The following PITPNB variants were observed in gnomAD, a reference collection of about 807,000 sequenced individuals.
PITPNB encodes phosphatidylinositol transfer protein beta isoform.
A neutral mutation model predicts 45.9 loss-of-function variants in PITPNB; 16 were observed. The ratio of observed to expected loss-of-function variants is 0.35; its 90% CI spans 0.24 to 0.53. The LOEUF (loss-of-function observed/expected upper bound fraction) is 0.53, where lower values mean the gene tolerates loss of function less well. Among genes scored for constraint, PITPNB ranks in the 20% least tolerant of loss-of-function variants. The pLI is 0.93. For synonymous variants in PITPNB, 112 were observed against 108.9 expected (o/e 1.03, Z -0.18); for missense variants, 188 against 330.5 (o/e 0.57, Z 3.34).
Position 27,914,306 on chromosome 22 carries a change from G to C in PITPNB, c.51+11C>G. The C allele has an allele frequency of 6.3e-7, 1 of 1,580,444 alleles. No homozygotes were observed. The highest frequency in any genetic ancestry group is 8.7e-7 in the Non-Finnish European group (1 of 1,150,236). ...TACCAATAAAATGATGCAGAAGCAA[G>C]AAAAACTCACCTCCTGAACAGAACA... On this transcript the variant is annotated intron_variant, in intron 2 of 11. Transcript: ENST00000335272.
At chr22:27,861,083 C>G (rs1266316065) in intron 8 of PITPNB, among the ~76,000 whole-genome samples, 2 of 148,864 alleles carry the variant, frequency 1.3e-5, no homozygotes, top group Non-Finnish European at 3.0e-5. Flanking sequence ...GTAATCCCAG[C>G]ACTTTGGGAG....
chr22:27,912,441 C>A (rs1242414006), intron 2 of PITPNB, among the ~76,000 whole-genome samples: 1 of 152,066 alleles, frequency 6.6e-6, no homozygotes, highest in Admixed American at 6.6e-5. Context: ...TCCTTAAATA[C>A]CTTCAACATG....
chr22:27,860,062 GA>G (rs1934281444), intron 9 of PITPNB, 68 bp downstream of exon 9: 3 of 842,318 alleles, frequency 3.6e-6, no homozygotes, highest in Non-Finnish European at 6.1e-6. Flanking sequence ...TAACAGAGAA[GA>G]TATCCCATTA....
intron 8 of PITPNB, 157 bp from the exon 9 acceptor site, chr22:27,860,398 A>C (rs1934290923): frequency 1.8e-6 from 1 of 549,904 alleles, no homozygotes; most frequent in Non-Finnish European, 3.2e-6. Flanking sequence ...CATTTTAGCA[A>C]AAGCCGCAGT....
At chr22:27,916,660 G>A (rs558091201) in intron 1 of PITPNB, among the ~76,000 whole-genome samples, 3 of 152,040 alleles carry the variant, frequency 2.0e-5, no homozygotes, top group Non-Finnish European at 2.9e-5. Context: ...AAATTTAGCC[G>A]GTCATGGTGG....
rs1243498322 is a variant in PITPNB, at chr22:27,852,338, G to C, written c.*1364C>G. 1 of 152,226 alleles carries C rather than the reference G, an allele frequency of 6.6e-6. No individual in the cohort carries two copies. The highest frequency in any genetic ancestry group is 1.5e-5 in the Non-Finnish European group (1 of 68,036). 9.4% of individuals were successfully genotyped at this position (152,226 alleles called of 1,614,324 possible). ...TCTATTCAAGCTTCCAGGACTGACA[G>C]AGGAAAAACTGGATTCAGACAGAGA... On this transcript the variant is annotated 3_prime_UTR_variant, in exon 12 of 12. Coordinates refer to ENST00000335272, the MANE Select transcript of PITPNB (RefSeq NM_012399.5).
At chr22:27,909,823 C>T (rs71325266) in intron 3 of PITPNB, among the ~76,000 whole-genome samples, 5,779 of 152,188 alleles carry the variant, frequency 0.038, 157 homozygotes, top group South Asian at 0.052. Context: ...CTTGTTCTTT[C>T]GCCCAGGCTG....
intron 3 of PITPNB, among the ~76,000 whole-genome samples, chr22:27,901,911 C>T (rs1268577353): frequency 6.6e-6 from 1 of 151,582 alleles, no homozygotes; most frequent in African/African-American, 2.4e-5. Flanking sequence ...TATATATATA[C>T]CTACATACAT....
intron 7 of PITPNB, among the ~76,000 whole-genome samples, chr22:27,878,360 G>C (rs936163208): frequency 3.3e-5 from 5 of 152,184 alleles, no homozygotes; most frequent in Admixed American, 2.6e-4. Context: ...AGACTCCAAA[G>C]AGTAAGTAAG....
chr22:27,889,110 G>T (rs151236659), intron 7 of PITPNB, among the ~76,000 whole-genome samples: 41 of 152,290 alleles, frequency 2.7e-4, no homozygotes, highest in African/African-American at 9.9e-4. Context: ...GCACAACTGC[G>T]CTGGGAGAGG....
At chr22:27,879,616 C>T (rs1934912289) in intron 7 of PITPNB, among the ~76,000 whole-genome samples, 1 of 152,034 alleles carries the variant, frequency 6.6e-6, no homozygotes, top group African/African-American at 2.4e-5. Context: ...ATATTTCAAA[C>T]TCTACTACCA....
chr22:27,895,638 T>C (rs766161031), intron 6 of PITPNB, among the ~76,000 whole-genome samples: 1 of 151,818 alleles, frequency 6.6e-6, no homozygotes, highest in Non-Finnish European at 1.5e-5. Context: ...AATGATCACT[T>C]GAAAGAAAAC....
intron 7 of PITPNB, among the ~76,000 whole-genome samples, chr22:27,878,280 T>C (rs1480069336): frequency 1.3e-5 from 2 of 152,130 alleles, no homozygotes; most frequent in Admixed American, 6.5e-5. Context: ...CCTAAATGAG[T>C]TCCTGGATCC....
intron 3 of PITPNB, among the ~76,000 whole-genome samples, chr22:27,904,587 C>T (rs1355598680): frequency 2.0e-5 from 3 of 152,134 alleles, no homozygotes; most frequent in African/African-American, 7.2e-5. Flanking sequence ...CCAAAAACTA[C>T]TGAAGTGTGC....
At chr22:27,889,297 T>C (rs139246820) in intron 7 of PITPNB, among the ~76,000 whole-genome samples, 70 of 152,242 alleles carry the variant, frequency 4.6e-4, no homozygotes, top group African/African-American at 1.5e-3. Context: ...ATGGTACACC[T>C]GTACCTTCAT....
chr22:27,894,587 C>T lies in PITPNB; in HGVS notation c.424G>A (p.Asp142Asn). Reference sequence around the variant, plus strand: ...TCAACTTGACTTCTATCTGCAATATCTATATGGACAATTTCAACAGTTTTC... The same window carrying T: ...TCAACTTGACTTCTATCTGCAATATTTATATGGACAATTTCAACAGTTTTC... ...TWKTVEIVHI[D>N]IADRSQVEPA... is the part of the protein sequence containing the mutation. The change falls in exon 7 of 12, where the codon GAT becomes AAT. Residue 142 changes from aspartate to asparagine, a missense_variant. Coordinates refer to ENST00000335272, the MANE Select transcript of PITPNB (RefSeq NM_012399.5). 6.2e-7 allele frequency: 1 copy of T among 1,600,376 alleles called. No homozygotes were observed. The highest frequency in any genetic ancestry group is 8.6e-7 in the Non-Finnish European group (1 of 1,168,184).
intron 3 of PITPNB, chr22:27,898,112 A>G (rs981750400): frequency 2.1e-6 from 1 of 467,064 alleles, no homozygotes; most frequent in Non-Finnish European, 3.9e-6. Context: ...ATGGTGGCTC[A>G]TGCCTGTAAT....
intron 2 of PITPNB, among the ~76,000 whole-genome samples, chr22:27,913,922 T>C (rs961508236): frequency 1.3e-5 from 2 of 152,176 alleles, no homozygotes; most frequent in African/African-American, 4.8e-5. Context: ...TCAAGCATTA[T>C]AGGAAAAGCA....
intron 2 of PITPNB, among the ~76,000 whole-genome samples, chr22:27,911,331 T>G (rs1412539393): frequency 6.6e-6 from 1 of 152,242 alleles, no homozygotes; most frequent in East Asian, 1.9e-4. Flanking sequence ...TTATAAACTT[T>G]CATTATTCAA....
Sources: allele counts gnomAD v4.1 joint callset (sites outside exome capture counted in the v4.1 genomes callset), GRCh38; gene constraint gnomAD v4.1.1; transcripts MANE v1.5; gene names NCBI Gene and HGNC (gene_info 2026-07-23, HGNC 2026-07-21).